ANKHD1: variants seen among roughly 807,000 people sequenced by gnomAD.
The protein encoded by ANKHD1 is ankyrin repeat and KH domain containing 1.
ANKHD1 carries 31 observed loss-of-function variants against 230.5 expected under a neutral mutation model. The observed-to-expected ratio is 0.13, with a 90% CI of 0.10 to 0.18. The LOEUF (loss-of-function observed/expected upper bound fraction) is 0.18. Among genes scored for constraint, ANKHD1 ranks in the 10% least tolerant of loss-of-function variants. The pLI is 1.00. For synonymous variants in ANKHD1, 1,074 were observed against 1,117.6 expected (o/e 0.96, Z 0.78); for missense variants, 2,256 against 3,071.3 (o/e 0.73, Z 6.27).
At position 140,484,997 on chromosome 5, in the gene ANKHD1, A is replaced by C. The variant is rs1581323608; in HGVS notation, c.1871-124A>C. The C allele has an allele frequency of 2.0e-5, 27 of 1,373,994 alleles. No homozygotes were observed. The East Asian group carries it at 7.4e-4, about 38-fold the overall frequency. 85.1% of individuals were successfully genotyped at this position (1,373,994 alleles called of 1,614,324 possible). The stretch of plus-strand genomic sequence containing the variant: ...TTTGTGAAAAAAATTCAAACTATAC[A>C]CTTAATGATTTGTATATTTTTTTGT... On this transcript the variant is annotated intron_variant, in intron 11 of 33. Transcript: ENST00000360839.
intron 16 of ANKHD1, 29 bp from the exon 17 acceptor site, chr5:140,505,093 A>T (rs1472007369): frequency 3.7e-6 from 6 of 1,604,874 alleles, no homozygotes; most frequent in Non-Finnish European, 5.1e-6. Flanking sequence ...TGTTAAAAAA[A>T]ATTTTAACTT....
chr5:140,465,019 C>A (rs1581291620), intron 10 of ANKHD1: 2 of 241,340 alleles, frequency 8.3e-6, no homozygotes, highest in Non-Finnish European at 1.6e-5. Flanking sequence ...TCACTCCACC[C>A]CCATTTGACA....
intron 2 of ANKHD1, 33 bp downstream of exon 2, chr5:140,436,290 C>G (rs747391317): frequency 1.1e-5 from 16 of 1,476,642 alleles, no homozygotes; most frequent in Non-Finnish European, 1.2e-5. Flanking sequence ...TTTTTCATAT[C>G]TTTAAAAGTC....
intron 29 of ANKHD1, among the ~76,000 whole-genome samples, chr5:140,535,106 A>C (rs1754013182): frequency 6.6e-6 from 1 of 152,180 alleles, no homozygotes; most frequent in East Asian, 1.9e-4. Context: ...TGACACTCTT[A>C]AACATTGAGC....
At chr5:140,434,512 T>C (rs1773294419) in intron 1 of ANKHD1, among the ~76,000 whole-genome samples, 1 of 150,914 alleles carries the variant, frequency 6.6e-6, no homozygotes, top group Admixed American at 6.6e-5. Flanking sequence ...TTACATATAT[T>C]ATGTAAATAA....
chr5:140,456,940 A>T (rs1775239688), intron 7 of ANKHD1, among the ~76,000 whole-genome samples: 1 of 152,174 alleles, frequency 6.6e-6, no homozygotes, highest in Non-Finnish European at 1.5e-5. Context: ...ATGGGAGAAA[A>T]TTTTTTCAAT....
At position 140,538,154 on chromosome 5, in the gene ANKHD1, A is replaced by T. The variant is rs1400567181; in HGVS notation, c.7297A>T (p.Ser2433Cys). The change falls in exon 32 of 34, where the codon AGC becomes TGC. Residue 2433 changes from serine to cysteine, a missense_variant. Around this residue, in one of 13 missense-constraint regions of ANKHD1, gnomAD observed 778 missense variants for 966.5 expected, o/e 0.80. Transcript: ENST00000360839. ...AATGCATCAACAATTATCAGACCCAAGCACATTCTCCCAACATCAGCCAAT... is the reference window on the plus strand; with the variant it reads ...AATGCATCAACAATTATCAGACCCATGCACATTCTCCCAACATCAGCCAAT... ...HPMHQQLSDP[S>C]TFSQHQPMER... 5.6e-6 allele frequency: 9 copies of T among 1,614,068 alleles called. No homozygotes were observed. The highest frequency in any genetic ancestry group is 3.3e-4 in the Middle Eastern group (2 of 6,084).
chr5:140,461,953 T>C (rs187436186), intron 9 of ANKHD1, among the ~76,000 whole-genome samples: 7 of 152,256 alleles, frequency 4.6e-5, no homozygotes, highest in African/African-American at 1.4e-4. Context: ...CAATGTCTCT[T>C]AAGCCTTTTT....
chr5:140,479,614 C>G (rs1024546303), intron 10 of ANKHD1, among the ~76,000 whole-genome samples: 1 of 150,992 alleles, frequency 6.6e-6, no homozygotes, highest in African/African-American at 2.4e-5. Flanking sequence ...ATTATTGATT[C>G]CCATTATATA....
intron 11 of ANKHD1, among the ~76,000 whole-genome samples, 182 bp downstream of exon 11, chr5:140,482,849 TATTA>T (rs1434666285): frequency 2.6e-5 from 4 of 152,244 alleles, no homozygotes; most frequent in South Asian, 4.1e-4. Flanking sequence ...GAATTTTCTT[TATTA>T]GTTTTGAATT....
At chr5:140,512,605 G>A (rs1182018997) in intron 22 of ANKHD1, among the ~76,000 whole-genome samples, 1 of 151,908 alleles carries the variant, frequency 6.6e-6, no homozygotes, top group Non-Finnish European at 1.5e-5. Context: ...TGTCTTTTAT[G>A]CCTTTCTTTT....
intron 15 of ANKHD1, among the ~76,000 whole-genome samples, chr5:140,503,670 C>T (rs987646312): frequency 7.1e-6 from 1 of 139,930 alleles, no homozygotes; most frequent in Non-Finnish European, 1.5e-5. Context: ...CAGGTTAAAG[C>T]GATTCTCCTG....
In ANKHD1 at chr5:140,507,608, G is replaced by T. The variant is rs535817733; in HGVS notation, c.3552-177G>T. On this transcript the variant is annotated intron_variant, in intron 19 of 33. Coordinates refer to ENST00000360839, the MANE Select transcript of ANKHD1 (RefSeq NM_017747.3). This position sits in a 1 kb window ranked among gnomAD's most constrained non-coding sequence, Gnocchi z 4.1. ...AGGCATGAGCCACCATGTCTGGCCG[G>T]AAATTATGTTTTAAATTGTGACATT... 1.8e-4 allele frequency among the ~76,000 whole-genome samples: 27 copies of T among 152,170 alleles called. 1 individual carries two copies. The highest frequency in any genetic ancestry group is 1.6e-3 in the Admixed American group (25 of 15,258).
Position 140,528,707 on chromosome 5 carries a change from T to C in ANKHD1, c.5761T>C (p.Leu1921=). Residue 1921 remains leucine, a synonymous_variant, in exon 29 of 34, where the codon TTA becomes CTA. Transcript: ENST00000360839. The part of the protein sequence containing the change: ...SRLPNQNGTV[L]PSESAGLATA... ...TCTACCTAACCAGAACGGGACTGTT[T>C]TACCCTCAGAGTCTGCTGGACTAGC... The C allele has an allele frequency of 6.8e-6, 11 of 1,614,186 alleles. No homozygotes were observed. The highest frequency in any genetic ancestry group is 8.5e-6 in the Non-Finnish European group (10 of 1,180,030).
intron 24 of ANKHD1, among the ~76,000 whole-genome samples, chr5:140,518,417 A>C (rs1753150728): frequency 6.6e-6 from 1 of 152,042 alleles, no homozygotes; most frequent in South Asian, 2.1e-4. Context: ...AAAAAGAGGG[A>C]ATCCTCCCTA....
intron 24 of ANKHD1, among the ~76,000 whole-genome samples, chr5:140,522,596 G>T (rs1207007750): frequency 6.6e-6 from 1 of 152,078 alleles, no homozygotes; most frequent in South Asian, 2.1e-4. Flanking sequence ...ACTTGATCAT[G>T]ATGTTTTTTC....
chr5:140,524,882 C>A, intron 25 of ANKHD1: 1 of 206,830 alleles, frequency 4.8e-6, no homozygotes, highest in South Asian at 5.6e-5. Flanking sequence ...GAGCGGATCA[C>A]GAGGTCAGGA....
chr5:140,426,794 G>A (rs1331374047), intron 1 of ANKHD1, among the ~76,000 whole-genome samples: 1 of 152,192 alleles, frequency 6.6e-6, no homozygotes, highest in African/African-American at 2.4e-5. Flanking sequence ...TCAACCCTGA[G>A]TGGATACAGC....
intron 13 of ANKHD1, among the ~76,000 whole-genome samples, chr5:140,486,347 G>GA (rs1561788879): frequency 6.6e-6 from 1 of 152,152 alleles, no homozygotes; most frequent in Non-Finnish European, 1.5e-5. Context: ...TTACAGGCGT[G>GA]AGCCACATGC....
Sources: allele counts gnomAD v4.1 joint callset (sites outside exome capture counted in the v4.1 genomes callset), GRCh38; gene constraint gnomAD v4.1.1; regional missense constraint gnomAD v4.1.1; non-coding constraint Gnocchi (gnomAD v3.1); transcripts MANE v1.5; gene names NCBI Gene and HGNC (gene_info 2026-07-23, HGNC 2026-07-21).